Variants in ADGRG7 observed in about 807,000 individuals in gnomAD.
The protein encoded by ADGRG7 is G-protein coupled receptor 128.
In ADGRG7, 82 loss-of-function variants were observed where a neutral mutation model predicts 88.6. The observed-to-expected ratio is 0.93, with a 90% CI of 0.77 to 1.11. The LOEUF (loss-of-function observed/expected upper bound fraction) is 1.11. Ranked by LOEUF, ADGRG7 falls within the 50% of genes most tolerant of loss-of-function variation. ADGRG7 has a pLI of 0.00. For synonymous variants in ADGRG7, 381 were observed against 345.2 expected, an observed-to-expected ratio of 1.10 and a Z score of -1.15; for missense variants, 945 against 953.4, an observed-to-expected ratio of 0.99 and a Z score of 0.12.
intron 15 of ADGRG7, among the ~76,000 whole-genome samples, chr3:100,690,018 G>C (rs1023506282): frequency 5.3e-5 from 8 of 152,178 alleles, no homozygotes; most frequent in African/African-American, 1.9e-4. Flanking sequence ...ACACCAATCA[G>C]ACATAGATTT....
Position 100,645,951 on chromosome 3 carries a change from C to T in ADGRG7, c.953C>T (p.Thr318Ile). 2 of 1,613,338 alleles carry T rather than the reference C, an allele frequency of 1.2e-6. No homozygotes were observed. Among genetic ancestry groups the T allele is most frequent in the Middle Eastern group, 1.7e-4 (1 of 5,926 alleles). Residue 318 changes from threonine to isoleucine, a missense_variant, in exon 9 of 16, where the codon ACC becomes ATC. Coordinates refer to ENST00000273352, the MANE Select transcript of ADGRG7 (RefSeq NM_032787.3). ...TGTCTTTTTCTCCCTATAGATTACA[C>T]CAAGACATGCGGCTTTGTAGTTTAT... ...QVLLNMTKNY[T>I]KTCGFVVYQN... is the part of the protein sequence containing the mutation.
intron 1 of ADGRG7, among the ~76,000 whole-genome samples, chr3:100,623,937 ATC>A (rs1465358732): frequency 6.6e-6 from 1 of 152,016 alleles, no homozygotes; most frequent in Non-Finnish European, 1.5e-5. Context: ...AATTTTCTTT[ATC>A]CAGTCTATCA....
intron 10 of ADGRG7, among the ~76,000 whole-genome samples, chr3:100,646,953 T>C (rs966308998): frequency 2.6e-5 from 4 of 151,686 alleles, no homozygotes; most frequent in Admixed American, 2.6e-4. Context: ...AGGTCAGGAG[T>C]TCGAGACCAG....
intron 15 of ADGRG7, among the ~76,000 whole-genome samples, chr3:100,680,110 T>C (rs1322500982): frequency 6.6e-6 from 1 of 152,242 alleles, no homozygotes; most frequent in Non-Finnish European, 1.5e-5. Context: ...AATTTGTATA[T>C]TTCCTTAATT....
At position 100,630,727 on chromosome 3, in the gene ADGRG7, C is replaced by T. The variant is rs1707448930; in HGVS notation, c.252C>T (p.Thr84=). The T allele has an allele frequency of 2.1e-6, 3 of 1,448,764 alleles. No homozygotes were observed. The highest frequency in any genetic ancestry group is 2.7e-6 in the Non-Finnish European group (3 of 1,096,192). The allele number at this position is 1,448,764 out of a possible 1,614,324, so 89.7% of individuals were successfully genotyped here. Residue 84 remains threonine (T), a synonymous_variant, in exon 3 of 16, where the codon ACC becomes ACT. Transcript: ENST00000273352. ...CTIANFCENS[T]YMGFTFARIP... ...CAGCTAATTTTTGTGAAAATAGTACCTATATGGGTTTTACTTTTGCCAGAA... is the reference window on the plus strand; with the variant it reads ...CAGCTAATTTTTGTGAAAATAGTACTTATATGGGTTTTACTTTTGCCAGAA...
chr3:100,630,701 A>G lies in ADGRG7; in HGVS notation c.230-4A>G. On this transcript the variant is annotated splice_polypyrimidine_tract_variant and splice_region_variant and intron_variant, in intron 2 of 15. Coordinates refer to ENST00000273352, the MANE Select transcript of ADGRG7 (RefSeq NM_032787.3). Reference sequence around the variant, plus strand: ...TAATAAAGAACTTTTTCTCTTTATTACAGCTAATTTTTGTGAAAATAGTAC... The same window carrying G: ...TAATAAAGAACTTTTTCTCTTTATTGCAGCTAATTTTTGTGAAAATAGTAC... 3.0e-6 allele frequency: 4 copies of G among 1,339,578 alleles called. No homozygotes were observed. The highest frequency in any genetic ancestry group is 3.9e-6 in the Non-Finnish European group (4 of 1,016,888). The allele number at this position is 1,339,578 out of a possible 1,614,324, so 83.0% of individuals were successfully genotyped here.
intron 1 of ADGRG7, among the ~76,000 whole-genome samples, chr3:100,626,821 A>G (rs1559671929): frequency 6.6e-6 from 1 of 152,192 alleles, no homozygotes; most frequent in Non-Finnish European, 1.5e-5. Context: ...AGATCTTGTT[A>G]AGTAAATTTT....
In ADGRG7 at chr3:100,683,413, C is replaced by G. The variant is rs6791444; in HGVS notation, c.2137-11331C>G. Among the ~76,000 whole-genome samples, 1,071 of 152,294 alleles carry G rather than the reference C, an allele frequency of 7.0e-3. 16 individuals are homozygous for G. Among genetic ancestry groups the G allele is most frequent in the African/African-American group, 0.024 (1,017 of 41,562 alleles). ...AGGGGTCTGAGGTTCCTGGTGTCAC[C>G]AAGCTTCTGGGTGTCACCCGGTTCC... On this transcript the variant is annotated intron_variant, in intron 15 of 15. Transcript: ENST00000273352.
chr3:100,614,842 A>T (rs1489362102), intron 1 of ADGRG7, among the ~76,000 whole-genome samples: 1 of 152,178 alleles, frequency 6.6e-6, no homozygotes, highest in Non-Finnish European at 1.5e-5. Flanking sequence ...TATGTGTTGT[A>T]TATGTTCTGT....
intron 15 of ADGRG7, among the ~76,000 whole-genome samples, chr3:100,688,024 G>T (rs182545259): frequency 2.0e-5 from 3 of 152,070 alleles, no homozygotes; most frequent in Non-Finnish European, 4.4e-5. Flanking sequence ...TTTTTGGTTG[G>T]TAAGCTATTA....
Position 100,646,507 on chromosome 3 carries a change from A to T in ADGRG7, c.1111-62A>T. On this transcript the variant is annotated intron_variant, in intron 9 of 15. Transcript: ENST00000273352. ...TCAGATGACTGTCTTATACTACTTG[A>T]TTTTTTTTAACCCAATTAAGTATTT... 3 of 1,380,126 alleles carry T rather than the reference A, an allele frequency of 2.2e-6. No individual in the cohort carries two copies. The African/African-American group carries it at 4.3e-5, about 20-fold the overall frequency. The allele number at this position is 1,380,126 out of a possible 1,614,324, so 85.5% of individuals were successfully genotyped here. A position where few individuals can be genotyped will look rare whatever the true frequency, so the allele number is the denominator to read the frequency against.
intron 15 of ADGRG7, among the ~76,000 whole-genome samples, chr3:100,682,999 G>A (rs1006352148): frequency 3.9e-5 from 6 of 152,178 alleles, no homozygotes; most frequent in Non-Finnish European, 5.9e-5. Context: ...CCACCTTAAA[G>A]CCAGGGAGGG....
chr3:100,643,276 C>G lies in ADGRG7; in HGVS notation c.709C>G (p.Gln237Glu), dbSNP rs369645034. 47 of 1,612,820 alleles carry G rather than the reference C, an allele frequency of 2.9e-5. No individual in the cohort carries two copies. In the East Asian group the frequency reaches 8.9e-4, roughly 31 times the overall value. Residue 237 changes from glutamine to glutamate, a missense_variant, in exon 7 of 16, where the codon CAA becomes GAA. Gln to Glu is a conservative substitution (Grantham distance 29). Coordinates refer to ENST00000273352, the MANE Select transcript of ADGRG7 (RefSeq NM_032787.3). ...TTTTATTATATGCAGGCTTATTGAG[C>G]AAATGGAGACTTATTCCTTGTCTTT... ...NDDALTTLIE[Q>E]METYSLSLGN...
chr3:100,660,497 T>C (rs1400802678), intron 14 of ADGRG7, among the ~76,000 whole-genome samples: 3 of 152,004 alleles, frequency 2.0e-5, no homozygotes, highest in Non-Finnish European at 1.5e-5. Context: ...TATAGCGATA[T>C]AGTCTCTGTA....
chr3:100,613,105 G>T (rs1707178210), intron 1 of ADGRG7, among the ~76,000 whole-genome samples: 1 of 152,164 alleles, frequency 6.6e-6, no homozygotes. Flanking sequence ...GACCAAGCTG[G>T]TCTTGAACTC....
chr3:100,651,092 C>T (rs1473620092), intron 11 of ADGRG7, among the ~76,000 whole-genome samples: 8 of 152,172 alleles, frequency 5.3e-5, no homozygotes. Flanking sequence ...TCCTTTTCTT[C>T]CCCTTTTCAC....
intron 6 of ADGRG7, among the ~76,000 whole-genome samples, chr3:100,640,381 G>A (rs1707620714): frequency 6.6e-6 from 1 of 152,172 alleles, no homozygotes; most frequent in African/African-American, 2.4e-5. Context: ...GAAGAGGAGA[G>A]GGTGAGAATA....
intron 11 of ADGRG7, among the ~76,000 whole-genome samples, chr3:100,651,861 A>G (rs2094929671): frequency 6.6e-6 from 1 of 152,182 alleles, no homozygotes; most frequent in Non-Finnish European, 1.5e-5. Context: ...TTTCAGCTTT[A>G]AGATGTTGCA....
intron 4 of ADGRG7, chr3:100,635,400 G>A (rs2149019501): frequency 2.9e-6 from 1 of 346,866 alleles, no homozygotes; most frequent in Admixed American, 4.5e-5. Context: ...CAGTGAACCA[G>A]CGCTGGCCCA....
Sources: allele counts gnomAD v4.1 joint callset (sites outside exome capture counted in the v4.1 genomes callset), GRCh38; gene constraint gnomAD v4.1.1; transcripts MANE v1.5; gene names NCBI Gene and HGNC (gene_info 2026-07-23, HGNC 2026-07-21).